LMNTD1: variants seen among roughly 807,000 people sequenced by gnomAD.
LMNTD1 encodes lamin tail domain-containing protein 1.
LMNTD1 carries 35 observed loss-of-function variants against 50.9 expected under a neutral mutation model. The observed-to-expected ratio is 0.69, with a 90% confidence interval of 0.53 to 0.91. The LOEUF (loss-of-function observed/expected upper bound fraction) is 0.91, where lower values mean the gene tolerates loss of function less well. Ranked by LOEUF, LMNTD1 falls within the 40% of genes least tolerant of loss-of-function variation. The pLI, the probability that LMNTD1 is intolerant of heterozygous loss-of-function variation, is 0.00. For missense variants in LMNTD1, 470 were observed against 475.5 expected, an observed-to-expected ratio of 0.99 and a Z score of 0.11; for synonymous variants, 153 against 161.9, an observed-to-expected ratio of 0.94 and a Z score of 0.42.
At chr12:25,615,244 A>G (rs554517457) in intron 1 of LMNTD1, among the ~76,000 whole-genome samples, 26 of 152,320 alleles carry the variant, frequency 1.7e-4, no homozygotes, top group African/African-American at 5.8e-4. Context: ...GCTGACCATG[A>G]GTCAGCAACA....
rs1377896978 is a variant in LMNTD1 at position 25,518,871 on chromosome 12, T to A, written c.1113A>T (p.Pro371=). ...SAHPYCPLIE[P]HNTSTAGGRL... ...TGCCTCCAGCGGTGGATGTATTGTG[T>A]GGTTCAATCAGAGGACAGTAAGGAT... is the stretch of plus-strand genomic sequence containing the variant. Residue 371 remains proline (P), a synonymous_variant, in exon 8 of 10, where the codon CCA becomes CCT. Transcript: ENST00000458174. The A allele has an allele frequency of 1.2e-6, 2 of 1,613,930 alleles. No homozygotes were observed. Among genetic ancestry groups the A allele is most frequent in the African/African-American group, 2.7e-5 (2 of 74,866 alleles).
intron 1 of LMNTD1, among the ~76,000 whole-genome samples, chr12:25,629,814 A>T (rs1946674502): frequency 6.6e-6 from 1 of 152,238 alleles, no homozygotes; most frequent in African/African-American, 2.4e-5. Flanking sequence ...GAGAAAGAAA[A>T]ATATATATAG....
At chr12:25,638,088 A>T (rs1946874466) in intron 1 of LMNTD1, among the ~76,000 whole-genome samples, 1 of 152,114 alleles carries the variant, frequency 6.6e-6, no homozygotes, top group Middle Eastern at 3.2e-3. Flanking sequence ...AAGAAAAAAC[A>T]CATGATCACC....
chr12:25,594,855 T>A (rs1259524398), intron 1 of LMNTD1, among the ~76,000 whole-genome samples: 3 of 151,952 alleles, frequency 2.0e-5, no homozygotes, highest in African/African-American at 7.3e-5. Context: ...CACATAAGGA[T>A]GCACATAAAC....
At chr12:25,644,073 T>C (rs150145575) in intron 1 of LMNTD1, among the ~76,000 whole-genome samples, 92 of 152,038 alleles carry the variant, frequency 6.1e-4, no homozygotes, top group Admixed American at 1.6e-3. Context: ...GCTGGATCAG[T>C]TGTGGCTGTG....
At chr12:25,497,552 C>G (rs559453372) in intron 9 of LMNTD1, 2 of 152,408 alleles carry the variant, frequency 1.3e-5, no homozygotes, top group Admixed American at 6.5e-5. Context: ...AATCCCAGCA[C>G]TTTGGGAGGC....
At chr12:25,605,675 G>C (rs1286092490) in intron 1 of LMNTD1, among the ~76,000 whole-genome samples, 1 of 152,156 alleles carries the variant, frequency 6.6e-6, no homozygotes, top group Non-Finnish European at 1.5e-5. Context: ...TTATTTCTGA[G>C]AGCTCTGTTC....
chr12:25,648,518 C>A (rs770704291), exon 1 of LMNTD1: 2 of 1,551,696 alleles, frequency 1.3e-6, no homozygotes, highest in South Asian at 2.4e-5. Flanking sequence ...ACTCTGGAAA[C>A]ACCGATGTCT....
chr12:25,605,071 T>C (rs1341596535), intron 1 of LMNTD1, among the ~76,000 whole-genome samples: 1 of 152,184 alleles, frequency 6.6e-6, no homozygotes, highest in Non-Finnish European at 1.5e-5. Flanking sequence ...CTCATTGTGG[T>C]TTTGATTTGC....
At chr12:25,537,667 T>G (rs900151311) in intron 4 of LMNTD1, among the ~76,000 whole-genome samples, 1 of 151,874 alleles carries the variant, frequency 6.6e-6, no homozygotes, top group Non-Finnish European at 1.5e-5. Context: ...TCAGAGCGCC[T>G]CTCCTCCTCC....
At chr12:25,500,323 G>T (rs1939315331) in intron 9 of LMNTD1, among the ~76,000 whole-genome samples, 1 of 152,086 alleles carries the variant, frequency 6.6e-6, no homozygotes, top group African/African-American at 2.4e-5. Flanking sequence ...TTGACAAAAA[G>T]TGGCCCCAGG....
intron 1 of LMNTD1, among the ~76,000 whole-genome samples, chr12:25,567,169 C>T (rs957209527): frequency 6.6e-6 from 1 of 152,148 alleles, no homozygotes; most frequent in Admixed American, 6.5e-5. Context: ...AAAATTCATG[C>T]ATTGTTAGGA....
At chr12:25,492,401 G>A (rs1222671544) in intron 9 of LMNTD1, among the ~76,000 whole-genome samples, 1 of 152,184 alleles carries the variant, frequency 6.6e-6, no homozygotes, top group Non-Finnish European at 1.5e-5. Context: ...GGGATCATGA[G>A]TTGCATTGTA....
At chr12:25,580,635 T>A (rs918373083) in intron 1 of LMNTD1, among the ~76,000 whole-genome samples, 2 of 152,188 alleles carry the variant, frequency 1.3e-5, no homozygotes, top group Admixed American at 1.3e-4. Flanking sequence ...ATCTAAATAA[T>A]TGTGAAATTT....
intron 5 of LMNTD1, 30 bp downstream of exon 5, chr12:25,526,739 A>T: frequency 6.8e-7 from 1 of 1,467,382 alleles, no homozygotes; most frequent in African/African-American, 1.4e-5. Flanking sequence ...GTACAATTCT[A>T]ATGTACAGTA....
chr12:25,494,400 T>C (rs990234922), intron 9 of LMNTD1, among the ~76,000 whole-genome samples: 1 of 151,514 alleles, frequency 6.6e-6, no homozygotes, highest in Non-Finnish European at 1.5e-5. Context: ...AGTTTTACAT[T>C]TTTTCATATT....
chr12:25,603,542 A>G (rs1946025797), intron 1 of LMNTD1, among the ~76,000 whole-genome samples: 1 of 152,012 alleles, frequency 6.6e-6, no homozygotes, highest in Non-Finnish European at 1.5e-5. Flanking sequence ...ACCTTTTTTA[A>G]GTTGGAAGGC....
chr12:25,575,351 A>G lies in LMNTD1; in HGVS notation c.59-28797T>C, dbSNP rs192039104. Reference sequence around the variant, plus strand: ...ACTATTGGTGTGATGAAAAACCTCTAGAAGAGAATTTAATTTGAAGTGGTC... The same window carrying G: ...ACTATTGGTGTGATGAAAAACCTCTGGAAGAGAATTTAATTTGAAGTGGTC... On this transcript the variant is annotated intron_variant, in intron 1 of 7. Transcript: ENST00000445693. Among the ~76,000 whole-genome samples, 6 of 152,326 alleles carry G rather than the reference A, an allele frequency of 3.9e-5. No homozygotes were observed. In the East Asian group the frequency reaches 1.2e-3, roughly 29 times the overall value.
chr12:25,478,814 T>A (rs1183416459), intron 9 of LMNTD1, among the ~76,000 whole-genome samples: 1 of 151,978 alleles, frequency 6.6e-6, no homozygotes, highest in Non-Finnish European at 1.5e-5. Context: ...TATTGATGAC[T>A]ACCTTCTTCT....
Sources: allele counts gnomAD v4.1 joint callset (sites outside exome capture counted in the v4.1 genomes callset), GRCh38; gene constraint gnomAD v4.1.1; transcripts MANE v1.5; gene names NCBI Gene and HGNC (gene_info 2026-07-23, HGNC 2026-07-21).